FSTL5: variants seen among roughly 807,000 people sequenced by gnomAD.
FSTL5 encodes follistatin like 5.
In FSTL5, 62 loss-of-function variants were observed where a neutral mutation model predicts 89.1. That is an observed-to-expected ratio of 0.70 (90% CI 0.57 to 0.86). FSTL5 has a LOEUF of 0.86. FSTL5 is among the 40% of genes least tolerant of loss of function. FSTL5 has a pLI of 0.00. For missense variants in FSTL5, 1,057 were observed against 1,001.6 expected (o/e 1.06, Z -0.75); for synonymous variants, 383 against 346.2 (o/e 1.11, Z -1.18).
At chr4:161,618,429 T>C (rs1348723180) in intron 7 of FSTL5, among the ~76,000 whole-genome samples, 1 of 135,250 alleles carries the variant, frequency 7.4e-6, no homozygotes, top group Non-Finnish European at 1.6e-5. Context: ...CTTCCAGTTT[T>C]TGCCCATTCA....
intron 1 of FSTL5, among the ~76,000 whole-genome samples, chr4:162,122,706 T>A (rs1731917956): frequency 6.6e-6 from 1 of 152,140 alleles, no homozygotes; most frequent in Non-Finnish European, 1.5e-5. Context: ...AGCAAATGGA[T>A]GTTATCATGC....
chr4:162,084,219 C>A (rs113039810), intron 2 of FSTL5, among the ~76,000 whole-genome samples: 4,809 of 151,858 alleles, frequency 0.032, 97 homozygotes, highest in Non-Finnish European at 0.051. Context: ...GATATAAACA[C>A]AAAATAATCC....
chr4:161,532,412 C>A (rs897871862), intron 10 of FSTL5, among the ~76,000 whole-genome samples: 7 of 152,098 alleles, frequency 4.6e-5, no homozygotes, highest in Admixed American at 3.9e-4. Flanking sequence ...GTGATTCCAA[C>A]ACACATTTTG....
rs563827551 is a variant in FSTL5, at chr4:161,805,952, T to C, written c.410-29878A>G. The stretch of plus-strand genomic sequence containing the variant: ...TTCACATAACTTTTTTATAGTATAT[T>C]GTTACAATTCTATCTTATTTTAGTT... On this transcript the variant is annotated intron_variant, in intron 4 of 15. Coordinates refer to ENST00000306100, the MANE Select transcript of FSTL5 (RefSeq NM_020116.5). Among the ~76,000 whole-genome samples the C allele has an allele frequency of 2.0e-5, 3 of 152,234 alleles. No individual in the cohort carries two copies. In the South Asian group the frequency reaches 6.2e-4, roughly 32 times the overall value.
intron 2 of FSTL5, chr4:162,042,047 G>C (rs1737982930): frequency 6.6e-6 from 1 of 151,974 alleles, no homozygotes; most frequent in Non-Finnish European, 1.5e-5. Flanking sequence ...CTACTCACGA[G>C]GCTGAGCCAG....
intron 3 of FSTL5, among the ~76,000 whole-genome samples, chr4:161,936,899 T>C (rs554186393): frequency 6.6e-6 from 1 of 152,286 alleles, no homozygotes; most frequent in African/African-American, 2.4e-5. Flanking sequence ...GAACTTTTTA[T>C]GTAAAATTGG....
chr4:162,064,742 C>T (rs946317558), intron 2 of FSTL5, among the ~76,000 whole-genome samples: 1 of 151,974 alleles, frequency 6.6e-6, no homozygotes, highest in Non-Finnish European at 1.5e-5. Flanking sequence ...ACCATCCATG[C>T]CATAATAGAA....
intron 13 of FSTL5, among the ~76,000 whole-genome samples, chr4:161,478,380 C>A (rs754868999): frequency 6.6e-6 from 1 of 152,118 alleles, no homozygotes; most frequent in African/African-American, 2.4e-5. Flanking sequence ...CCAATCAATA[C>A]ATCACCTTGC....
intron 4 of FSTL5, among the ~76,000 whole-genome samples, chr4:161,805,121 A>G (rs1560855770): frequency 6.6e-6 from 1 of 152,022 alleles, no homozygotes; most frequent in Non-Finnish European, 1.5e-5. Flanking sequence ...TTTGACTCAC[A>G]CTTCAATACC....
chr4:161,501,235 T>A (rs1578881224), intron 11 of FSTL5, among the ~76,000 whole-genome samples: 1 of 152,128 alleles, frequency 6.6e-6, no homozygotes, highest in East Asian at 1.9e-4. Context: ...TTCTAAGCAT[T>A]ATTAATTTTT....
intron 3 of FSTL5, among the ~76,000 whole-genome samples, chr4:162,005,159 T>C: frequency 6.6e-6 from 1 of 152,192 alleles, no homozygotes; most frequent in Non-Finnish European, 1.5e-5. Context: ...TGTTTTCACC[T>C]GTGTTGTTCT....
intron 13 of FSTL5, among the ~76,000 whole-genome samples, chr4:161,462,926 A>G (rs1428098173): frequency 6.6e-6 from 1 of 152,168 alleles, no homozygotes; most frequent in Non-Finnish European, 1.5e-5. Context: ...CACAAAAAAA[A>G]TAAAAAAATA....
At chr4:161,693,636 C>CTTTTTTTTTT (rs5863476) in intron 6 of FSTL5, among the ~76,000 whole-genome samples, 3 of 105,286 alleles carry the variant, frequency 2.8e-5, no homozygotes, top group South Asian at 3.6e-4. Flanking sequence ...TCTTGTAAAT[C>CTTTTTTTTTT]TTTTTTTTTT....
chr4:161,681,716 C>G (rs1042341377), intron 6 of FSTL5, among the ~76,000 whole-genome samples: 1 of 151,826 alleles, frequency 6.6e-6, no homozygotes. Flanking sequence ...ATATTTTCCC[C>G]TCATATTATC....
chr4:161,933,483 TA>T (rs1734347800), intron 3 of FSTL5, among the ~76,000 whole-genome samples: 1 of 152,104 alleles, frequency 6.6e-6, no homozygotes, highest in Non-Finnish European at 1.5e-5. Context: ...AAAACATGAA[TA>T]TTTCATAAGT....
chr4:161,559,662 C>T (rs564424457), intron 8 of FSTL5, among the ~76,000 whole-genome samples: 1 of 151,928 alleles, frequency 6.6e-6, no homozygotes, highest in South Asian at 2.1e-4. Context: ...GTTTCTCATG[C>T]ATTTTGAAGG....
intron 7 of FSTL5, among the ~76,000 whole-genome samples, chr4:161,641,210 A>T (rs1735946768): frequency 6.6e-6 from 1 of 152,184 alleles, no homozygotes; most frequent in African/African-American, 2.4e-5. Context: ...ATAAAGAAAT[A>T]AGAATCTCAA....
At chr4:162,019,913 A>C (rs1737023871) in intron 3 of FSTL5, among the ~76,000 whole-genome samples, 1 of 149,818 alleles carries the variant, frequency 6.7e-6, no homozygotes, top group African/African-American at 2.4e-5. Flanking sequence ...AAAACTTTAG[A>C]GACATTGTTG....
At chr4:161,447,707 A>T (rs1161366614) in intron 15 of FSTL5, among the ~76,000 whole-genome samples, 1 of 152,160 alleles carries the variant, frequency 6.6e-6, no homozygotes, top group Non-Finnish European at 1.5e-5. Flanking sequence ...GAGTGGCATT[A>T]TAGATCAAAG....
Sources: allele counts gnomAD v4.1 joint callset (sites outside exome capture counted in the v4.1 genomes callset), GRCh38; gene constraint gnomAD v4.1.1; transcripts MANE v1.5; gene names NCBI Gene and HGNC (gene_info 2026-07-23, HGNC 2026-07-21).